Variants in RELN observed in about 807,000 individuals in gnomAD.
The protein encoded by RELN is reelin.
RELN carries 108 observed loss-of-function variants against 427.6 expected under a neutral mutation model. That is an observed-to-expected ratio of 0.25 (90% CI 0.22 to 0.30). RELN has a LOEUF of 0.30. Among genes scored for constraint, RELN ranks in the 10% least tolerant of loss-of-function variants. The pLI, the probability that RELN is intolerant of heterozygous loss-of-function variation, is 1.00. For missense variants in RELN, 3,715 were observed against 4,302.8 expected, an observed-to-expected ratio of 0.86 and a Z score of 3.82; for synonymous variants, 1,524 against 1,513.4, an observed-to-expected ratio of 1.01 and a Z score of -0.16.
intron 1 of RELN, among the ~76,000 whole-genome samples, chr7:103,939,141 G>A (rs1796055647): frequency 6.6e-6 from 1 of 151,988 alleles, no homozygotes; most frequent in Non-Finnish European, 1.5e-5. Flanking sequence ...TAGAGACAGG[G>A]TTTCACCATG....
At chr7:103,930,987 C>T (rs1165276489) in intron 1 of RELN, among the ~76,000 whole-genome samples, 1 of 151,486 alleles carries the variant, frequency 6.6e-6, no homozygotes, top group African/African-American at 2.4e-5. Context: ...CTCATTATAA[C>T]AAGTTACAGT....
chr7:103,561,987 T>G (rs2117179110), intron 34 of RELN, 34 bp from the exon 35 acceptor site: 1 of 1,582,188 alleles, frequency 6.3e-7, no homozygotes, highest in Non-Finnish European at 8.6e-7. Flanking sequence ...AACACACCAC[T>G]GGTTTGACAA....
intron 16 of RELN, among the ~76,000 whole-genome samples, chr7:103,645,966 T>A (rs539411520): frequency 6.6e-6 from 1 of 151,846 alleles, no homozygotes; most frequent in Non-Finnish European, 1.5e-5. Context: ...AACTAGAAAT[T>A]AATTCTAAGG....
At chr7:103,863,163 TA>T (rs1415702551) in intron 2 of RELN, among the ~76,000 whole-genome samples, 2 of 152,138 alleles carry the variant, frequency 1.3e-5, no homozygotes, top group Non-Finnish European at 2.9e-5. Context: ...GCAACTCTGA[TA>T]AAAAGAGGTG....
intron 26 of RELN, 93 bp from the exon 27 acceptor site, chr7:103,593,975 C>T (rs903760214): frequency 7.3e-6 from 7 of 959,356 alleles, no homozygotes; most frequent in Non-Finnish European, 1.1e-5. Flanking sequence ...GGGCCATGTA[C>T]CATTTGCATT....
intron 6 of RELN, among the ~76,000 whole-genome samples, chr7:103,729,331 T>G (rs537997537): frequency 6.6e-6 from 1 of 151,992 alleles, no homozygotes; most frequent in African/African-American, 2.4e-5. Context: ...CCCATCCAAA[T>G]AGGAAGAAGA....
intron 20 of RELN, among the ~76,000 whole-genome samples, chr7:103,612,237 T>G (rs568519911): frequency 3.4e-4 from 52 of 152,236 alleles, no homozygotes; most frequent in Admixed American, 8.5e-4. Context: ...ATAGAGCACT[T>G]GACGGAACAT....
At position 103,636,219 on chromosome 7, in the gene RELN, C is replaced by A. The variant is rs188276472; in HGVS notation, c.2303+16G>T. Reference sequence around the variant, plus strand: ...GTATCTGGTTTTTGTATGTATTCTACCCTGCCTTCACTCACCTGGATTGTG... The same window carrying A: ...GTATCTGGTTTTTGTATGTATTCTAACCTGCCTTCACTCACCTGGATTGTG... On this transcript the variant is annotated intron_variant, in intron 18 of 64. Transcript: ENST00000428762. 3.5e-4 allele frequency: 537 copies of A among 1,544,500 alleles called. 2 individuals are homozygous for A. The African/African-American group carries it at 6.0e-3, about 17-fold the overall frequency.
At chr7:103,959,035 A>C (rs1796493850) in intron 1 of RELN, among the ~76,000 whole-genome samples, 1 of 152,206 alleles carries the variant, frequency 6.6e-6, no homozygotes, top group Non-Finnish European at 1.5e-5. Flanking sequence ...TCTGCCTTCC[A>C]GGTTCAAGGC....
chr7:103,856,395 C>T (rs1793944765), intron 2 of RELN, among the ~76,000 whole-genome samples: 1 of 151,560 alleles, frequency 6.6e-6, no homozygotes, highest in Admixed American at 6.6e-5. Context: ...CATGGTGAAA[C>T]TCCATCCCTA....
chr7:103,827,436 A>G (rs1414184824), intron 3 of RELN, among the ~76,000 whole-genome samples: 1 of 152,064 alleles, frequency 6.6e-6, no homozygotes, highest in African/African-American at 2.4e-5. Context: ...AACAAAAATA[A>G]CTTCTTCAAG....
chr7:103,685,887 C>T (rs896260018), intron 10 of RELN, among the ~76,000 whole-genome samples: 8 of 152,142 alleles, frequency 5.3e-5, no homozygotes, highest in Non-Finnish European at 1.0e-4. Flanking sequence ...TTCAATATAA[C>T]AAGTCCTTGG....
At chr7:103,606,795 G>A (rs1220976299) in intron 22 of RELN, among the ~76,000 whole-genome samples, 2 of 151,928 alleles carry the variant, frequency 1.3e-5, no homozygotes, top group Non-Finnish European at 2.9e-5. Flanking sequence ...TTTTAAAAAA[G>A]ATATTATTTC....
chr7:103,572,118 T>G lies in RELN; in HGVS notation c.4588+66A>C. ...TCAGTTTTCAAAATCCTGGCCAAAC[T>G]TTGGGAGGATAAAGGACTAATCTGC... On this transcript the variant is annotated intron_variant, in intron 31 of 64. Coordinates refer to ENST00000428762, the MANE Select transcript of RELN (RefSeq NM_005045.4). The G allele has an allele frequency of 3.3e-6, 3 of 921,584 alleles. No individual in the cohort carries two copies. The South Asian group carries it at 3.9e-5, about 12-fold the overall frequency. The allele number at this position is 921,584 out of a possible 1,614,324, so 57.1% of individuals were successfully genotyped here.
Position 103,496,605 on chromosome 7 carries a change from A to G in RELN, c.9114T>C (p.Arg3038=). Residue 3038 remains arginine (R), a synonymous_variant, in exon 56 of 65, where the codon CGT becomes CGC. Transcript: ENST00000428762. ...SNGIVVSGVE[R]AQWALDNILI... ...AAATGTTGTCCAGTGCCCACTGAGC[A>G]CGCTCCACCCCAGAGACCACAATTC... 6.2e-7 allele frequency: 1 copy of G among 1,614,170 alleles called. No individual in the cohort carries two copies. The highest frequency in any genetic ancestry group is 8.5e-7 in the Non-Finnish European group (1 of 1,180,014).
chr7:103,495,175 CTTTT>C (rs68172294), intron 57 of RELN, among the ~76,000 whole-genome samples: 12,364 of 125,226 alleles, frequency 0.099, 562 homozygotes, highest in African/African-American at 0.19. Flanking sequence ...AAAGTAATTC[CTTTT>C]TTTTTTTTTT....
chr7:103,606,237 T>G (rs562600700), intron 22 of RELN, among the ~76,000 whole-genome samples: 1 of 152,232 alleles, frequency 6.6e-6, no homozygotes, highest in Admixed American at 6.5e-5. Context: ...GGGATATCTT[T>G]AGTCTCCATA....
intron 4 of RELN, 89 bp from the exon 5 acceptor site, chr7:103,753,303 T>G (rs1791054106): frequency 7.5e-7 from 1 of 1,327,260 alleles, no homozygotes; most frequent in South Asian, 1.2e-5. Context: ...TTATAAAACT[T>G]AAGTCACATT....
At chr7:103,591,509 C>T (rs1380593133) in intron 27 of RELN, among the ~76,000 whole-genome samples, 1 of 152,104 alleles carries the variant, frequency 6.6e-6, no homozygotes, top group East Asian at 1.9e-4. Context: ...TTTTATTGTG[C>T]ACAATTTATC....
Sources: gnomAD v4.1 joint callset for allele counts (sites outside exome capture counted in the v4.1 genomes callset) on GRCh38, gnomAD v4.1.1 for gene constraint, MANE v1.5 for transcripts, NCBI Gene and HGNC (gene_info 2026-07-23, HGNC 2026-07-21) for gene names.